Variants in NUP37 observed in about 807,000 individuals in gnomAD.
NUP37 encodes nucleoporin 37.
Under a neutral mutation model 45.4 loss-of-function variants are expected in NUP37, and 33 were observed. The ratio of observed to expected loss-of-function variants is 0.73; its 90% CI spans 0.55 to 0.97. The LOEUF (loss-of-function observed/expected upper bound fraction) is 0.97. Ranked by LOEUF, NUP37 falls within the 50% of genes least tolerant of loss-of-function variation. The pLI is 0.00. For missense variants in NUP37, 365 were observed against 389.7 expected (o/e 0.94, Z 0.53); for synonymous variants, 127 against 130.7 (o/e 0.97, Z 0.19).
chr12:102,075,553 T>C (rs1436977443), intron 8 of NUP37, among the ~76,000 whole-genome samples: 3 of 152,174 alleles, frequency 2.0e-5, no homozygotes, highest in African/African-American at 4.8e-5. Flanking sequence ...TCTTTACAAT[T>C]AGACCGGGAA....
rs1411688623 is a variant in NUP37 at position 102,074,476 on chromosome 12, T to C, written c.868-9A>G. ...GAACCCATGAGGATGGGCTATAAAA[T>C]ATGTGAAGAATTAAAGAAGCACAGT... On this transcript the variant is annotated splice_polypyrimidine_tract_variant and intron_variant, in intron 9 of 9. Transcript: ENST00000552283. 3 of 1,541,238 alleles carry C rather than the reference T, an allele frequency of 1.9e-6. No individual in the cohort carries two copies. Among genetic ancestry groups the C allele is most frequent in the Admixed American group, 3.8e-5 (2 of 53,044 alleles).
chr12:102,118,186 T>A (rs1880517932), intron 2 of NUP37, among the ~76,000 whole-genome samples, 177 bp downstream of exon 2: 1 of 152,202 alleles, frequency 6.6e-6, no homozygotes, highest in Non-Finnish European at 1.5e-5. Context: ...ACTATCTATA[T>A]AATGTTTACA....
At chr12:102,096,768 G>A (rs971831337) in intron 5 of NUP37, among the ~76,000 whole-genome samples, 7 of 152,038 alleles carry the variant, frequency 4.6e-5, no homozygotes, top group African/African-American at 1.7e-4. Context: ...GAGAGTGTAT[G>A]ATACTATCTA....
Position 102,085,827 on chromosome 12 carries a change from G to T in NUP37, c.479C>A (p.Ala160Asp). Residue 160 changes from alanine to aspartate, a missense_variant, in exon 6 of 10, where the codon GCT (alanine) becomes GAT (aspartate). Transcript: ENST00000552283. ...GCCAGGAGAATGAAGAACAAAATGAGCTGTTTGCACTCCTTCCAAGTTCCA... is the reference window on the plus strand; with the variant it reads ...GCCAGGAGAATGAAGAACAAAATGATCTGTTTGCACTCCTTCCAAGTTCCA... Reference protein sequence around the residue: ...RIWNLEGVQTAHFVLHSPGMS... With the variant: ...RIWNLEGVQTDHFVLHSPGMS... 1 of 1,599,530 alleles carries T rather than the reference G, an allele frequency of 6.3e-7. No individual in the cohort carries two copies. Among genetic ancestry groups the T allele is most frequent in the Non-Finnish European group, 8.6e-7 (1 of 1,167,980 alleles).
At chr12:102,076,918 G>A (rs533907874) in intron 7 of NUP37, 71 bp from the exon 8 acceptor site, 6 of 1,088,040 alleles carry the variant, frequency 5.5e-6, no homozygotes, top group Non-Finnish European at 8.3e-6. Flanking sequence ...GGTTTAAACA[G>A]TATTTTCTCT....
chr12:102,099,058 T>A (rs758535797), intron 5 of NUP37, 48 bp downstream of exon 5: 3 of 1,185,784 alleles, frequency 2.5e-6, no homozygotes, highest in Non-Finnish European at 3.8e-6. Flanking sequence ...AATGTAATTC[T>A]CATTAAAATG....
intron 5 of NUP37, among the ~76,000 whole-genome samples, chr12:102,095,005 C>T (rs907131928): frequency 6.6e-6 from 1 of 151,942 alleles, no homozygotes; most frequent in African/African-American, 2.4e-5. Context: ...AGTTACAGTG[C>T]GTACTAGGTC....
intron 5 of NUP37, among the ~76,000 whole-genome samples, chr12:102,088,557 G>A (rs1879536200): frequency 6.6e-6 from 1 of 151,930 alleles, no homozygotes. Context: ...GCTTACTTTT[G>A]CCTATTTTTG....
chr12:102,101,607 G>A (rs1211287825), intron 3 of NUP37, among the ~76,000 whole-genome samples: 1 of 152,030 alleles, frequency 6.6e-6, no homozygotes, highest in Non-Finnish European at 1.5e-5. Flanking sequence ...TATAAAAGCT[G>A]ATAATATTTA....
In NUP37 at chr12:102,085,847, G is replaced by A; in HGVS notation, c.459C>T (p.Asn153=). The stretch of plus-strand genomic sequence containing the variant: ...AATGAGCTGTTTGCACTCCTTCCAA[G>A]TTCCAAATCCTAATAAAAGAATAAC... ...VSDDHTCRIW[N]LEGVQTAHFV... is the part of the protein sequence containing the mutation. The change falls in exon 6 of 10, where the codon AAC becomes AAT. Residue 153 remains asparagine, a synonymous_variant. Transcript: ENST00000552283. 6.4e-7 allele frequency: 1 copy of A among 1,560,744 alleles called. No homozygotes were observed. The highest frequency in any genetic ancestry group is 8.8e-7 in the Non-Finnish European group (1 of 1,135,584).
intron 5 of NUP37, among the ~76,000 whole-genome samples, chr12:102,096,556 T>C (rs1173182809): frequency 1.3e-5 from 2 of 152,098 alleles, no homozygotes; most frequent in African/African-American, 4.8e-5. Context: ...AAAATATGCA[T>C]AGATCAAAAT....
At chr12:102,115,467 T>C (rs1162630220) in intron 2 of NUP37, among the ~76,000 whole-genome samples, 2 of 152,236 alleles carry the variant, frequency 1.3e-5, no homozygotes, top group Non-Finnish European at 2.9e-5. Context: ...CAAGCATATA[T>C]GTTCATGCTC....
At chr12:102,085,139 G>A (rs1432691652) in intron 6 of NUP37, among the ~76,000 whole-genome samples, 3 of 152,150 alleles carry the variant, frequency 2.0e-5, no homozygotes, top group Admixed American at 2.0e-4. Flanking sequence ...TGCCTACTGG[G>A]CCAGGCATGG....
At position 102,099,206 on chromosome 12, in the gene NUP37, A is replaced by T. The variant is rs373858779; in HGVS notation, c.355-6T>A. The stretch of plus-strand genomic sequence containing the variant: ...TCGGTATGGCCCTCTAAAACCTGAC[A>T]GAAAGAGAAACAGAAAGCTTAGCAA... On this transcript the variant is annotated splice_polypyrimidine_tract_variant and splice_region_variant and intron_variant, in intron 4 of 9. Coordinates refer to ENST00000552283, the MANE Select transcript of NUP37 (RefSeq NM_024057.4). The T allele has an allele frequency of 3.1e-6, 5 of 1,590,752 alleles. No individual in the cohort carries two copies. In the African/African-American group the frequency reaches 6.7e-5, roughly 21 times the overall value.
chr12:102,084,500 C>T (rs1054129743), intron 6 of NUP37, among the ~76,000 whole-genome samples: 2 of 151,786 alleles, frequency 1.3e-5, no homozygotes, highest in South Asian at 2.1e-4. Context: ...AAAAATTAGC[C>T]GAGTGTAGTG....
intron 2 of NUP37, among the ~76,000 whole-genome samples, chr12:102,112,489 A>T (rs980920294): frequency 3.3e-5 from 5 of 152,188 alleles, no homozygotes; most frequent in African/African-American, 1.2e-4. Flanking sequence ...GCATTTCATA[A>T]TAAGTTCAAT....
chr12:102,077,271 C>T (rs1565827571), intron 7 of NUP37, 51 bp downstream of exon 7: 2 of 1,579,040 alleles, frequency 1.3e-6, no homozygotes, highest in East Asian at 2.2e-5. Flanking sequence ...CATTTAGCAA[C>T]AGTTACTGCC....
intron 5 of NUP37, among the ~76,000 whole-genome samples, chr12:102,086,131 A>C (rs1053598350): frequency 1.3e-5 from 2 of 152,126 alleles, no homozygotes; most frequent in African/African-American, 4.8e-5. Context: ...ATGGTAATCA[A>C]ATTAAATTAT....
intron 8 of NUP37, among the ~76,000 whole-genome samples, chr12:102,075,316 C>T (rs766580195): frequency 1.4e-4 from 21 of 152,038 alleles, no homozygotes; most frequent in Non-Finnish European, 2.1e-4. Context: ...GCTGGGACTA[C>T]AGGTGTGTAC....
Sources: allele counts gnomAD v4.1 joint callset (sites outside exome capture counted in the v4.1 genomes callset), GRCh38; gene constraint gnomAD v4.1.1; transcripts MANE v1.5; gene names NCBI Gene and HGNC (gene_info 2026-07-23, HGNC 2026-07-21).